Variants in SCRG1 observed in about 807,000 individuals in gnomAD.
SCRG1 encodes the protein stimulator of chondrogenesis 1, also known as scrapie-responsive protein 1.
SCRG1 carries 3 observed loss-of-function variants against 7.7 expected under a neutral mutation model. The observed-to-expected ratio is 0.39, with a 90% confidence interval of 0.18 to 1.01. The LOEUF is 1.01. Among genes scored for constraint, SCRG1 ranks in the 50% least tolerant of loss-of-function variants. The pLI, the probability that SCRG1 is intolerant of heterozygous loss-of-function variation, is 0.36. For synonymous variants in SCRG1, 46 were observed against 41.2 expected (o/e 1.12, Z -0.44); for missense variants, 110 against 117.2 (o/e 0.94, Z 0.28).
chr4:173,485,279 G>T, the SCRG1 span, among the ~76,000 whole-genome samples: 32 of 48,554 alleles, frequency 6.6e-4, 1 homozygote, highest in South Asian at 0.012. Context: ...CTCAGCCTTG[G>T]TCTCAAGAAG....
chr4:173,418,587 C>A, the SCRG1 span, among the ~76,000 whole-genome samples: 1 of 152,188 alleles, frequency 6.6e-6, no homozygotes, highest in Non-Finnish European at 1.5e-5. Flanking sequence ...TGGTTGACTC[C>A]AAAACCATTT....
chr4:173,480,672 A>G, the SCRG1 span, among the ~76,000 whole-genome samples: 3 of 152,200 alleles, frequency 2.0e-5, no homozygotes, highest in African/African-American at 7.2e-5. Flanking sequence ...AATCATTTGA[A>G]TATGGACTGC....
intron 1 of SCRG1, among the ~76,000 whole-genome samples, chr4:173,397,848 A>T (rs1364601597): frequency 6.6e-6 from 1 of 152,230 alleles, no homozygotes. Context: ...AACAGAGTTG[A>T]TGAATTAGAC....
chr4:173,467,330 A>T, the SCRG1 span, among the ~76,000 whole-genome samples: 76 of 152,174 alleles, frequency 5.0e-4, no homozygotes, highest in African/African-American at 1.7e-3. Context: ...ACTATGTAAT[A>T]TGATGACTAG....
chr4:173,435,312 T>C, the SCRG1 span, among the ~76,000 whole-genome samples: 56,347 of 151,864 alleles, frequency 0.37, 10,675 homozygotes, highest in South Asian at 0.54. Context: ...AGGAGACTGA[T>C]TTTTGAAGGG....
chr4:173,413,695 G>A, the SCRG1 span, among the ~76,000 whole-genome samples: 1 of 152,138 alleles, frequency 6.6e-6, no homozygotes, highest in Admixed American at 6.5e-5. Context: ...AAGAAAAAGG[G>A]GAATCATGTG....
At chr4:173,517,155 G>C in the SCRG1 span, among the ~76,000 whole-genome samples, 1 of 152,148 alleles carries the variant, frequency 6.6e-6, no homozygotes, top group East Asian at 1.9e-4. Context: ...CGGGAGGCTC[G>C]GGGCTCGGGC....
At chr4:173,510,423 CAT>C in the SCRG1 span, among the ~76,000 whole-genome samples, 48,403 of 148,776 alleles carry the variant, frequency 0.33, 7,865 homozygotes, top group Middle Eastern at 0.4. This position sits in a 1 kb window ranked among gnomAD's most constrained non-coding sequence, Gnocchi z 5.7. Flanking sequence ...AGGCCAAAAC[CAT>C]ATATATATAT....
the SCRG1 span, among the ~76,000 whole-genome samples, chr4:173,512,958 G>A: frequency 6.6e-6 from 1 of 152,134 alleles, no homozygotes; most frequent in African/African-American, 2.4e-5. Flanking sequence ...TTATTATACT[G>A]CAAAATTTGT....
chr4:173,397,882 T>C (rs1739649857), intron 1 of SCRG1, among the ~76,000 whole-genome samples: 2 of 152,166 alleles, frequency 1.3e-5, no homozygotes, highest in Admixed American at 6.5e-5. Context: ...CATTTTCGGA[T>C]TGCTTTCAAA....
the SCRG1 span, among the ~76,000 whole-genome samples, chr4:173,428,926 AT>A: frequency 2.0e-5 from 3 of 152,160 alleles, no homozygotes; most frequent in South Asian, 2.1e-4. Flanking sequence ...ATCACTCTTA[AT>A]TTTTTTCTAA....
At chr4:173,444,591 G>A in the SCRG1 span, among the ~76,000 whole-genome samples, 1 of 152,206 alleles carries the variant, frequency 6.6e-6, no homozygotes, top group African/African-American at 2.4e-5. Flanking sequence ...TCTGGTTTCT[G>A]ATTTCTGCTG....
chr4:173,433,088 T>C, the SCRG1 span, among the ~76,000 whole-genome samples: 1 of 152,248 alleles, frequency 6.6e-6, no homozygotes, highest in Non-Finnish European at 1.5e-5. Flanking sequence ...ATTTCACCTA[T>C]ATACATATTC....
In SCRG1 at chr4:173,386,301, A is replaced by AT. The variant is rs11302799; in HGVS notation, c.*2039dup. 2,343 of 116,994 alleles carry AT rather than the reference A, an allele frequency of 0.02. 21 individuals carry two copies. The highest frequency in any genetic ancestry group is 0.026 in the Middle Eastern group (6 of 234). The allele number at this position is 116,994 out of a possible 1,614,324, so 7.2% of individuals were successfully genotyped here. The stretch of plus-strand genomic sequence containing the variant: ...AGGCGCCTGCCACCACGCCCAGCTA[A>AT]TTTTTTTTTTTTTTTTTTTTGTATT... On this transcript the variant is annotated 3_prime_UTR_variant, in exon 3 of 3. Coordinates refer to ENST00000296506, the MANE Select transcript of SCRG1 (RefSeq NM_007281.4).
chr4:173,494,782 G>A, the SCRG1 span, among the ~76,000 whole-genome samples: 1 of 152,220 alleles, frequency 6.6e-6, no homozygotes, highest in Non-Finnish European at 1.5e-5. Context: ...TCTTGGTACT[G>A]GTGTTAGACT....
chr4:173,432,686 GAAACTAGTCATAGTCCTA>G, the SCRG1 span, among the ~76,000 whole-genome samples: 1 of 152,160 alleles, frequency 6.6e-6, no homozygotes, highest in African/African-American at 2.4e-5. Context: ...GGAGGGAGTG[GAAACTAGTCATAGTCCTA>G]AAATGTATAG....
chr4:173,509,646 ACCCGCTCCTGGGCCGCGCGGCTG>A, the SCRG1 span, among the ~76,000 whole-genome samples: 1 of 151,430 alleles, frequency 6.6e-6, no homozygotes, highest in East Asian at 2.0e-4. The surrounding 1 kb of genome is among the most constrained non-coding windows in gnomAD (Gnocchi z 5.7). Context: ...GTCGGCCGGA[ACCCGCTCCTGGGCCGCGCGGCTG>A]CAGCCGGGAG....
At chr4:173,429,847 A>G in the SCRG1 span, among the ~76,000 whole-genome samples, 107 of 152,350 alleles carry the variant, frequency 7.0e-4, no homozygotes, top group African/African-American at 2.5e-3. Context: ...AAAGTATAAC[A>G]TTAGCCTTGA....
the SCRG1 span, among the ~76,000 whole-genome samples, chr4:173,505,430 A>G: frequency 6.6e-6 from 1 of 152,138 alleles, no homozygotes. The surrounding 1 kb of genome is among the most constrained non-coding windows in gnomAD (Gnocchi z 4.4). Flanking sequence ...ATTCTTGTAC[A>G]TCAGTACAAG....
Sources: allele counts gnomAD v4.1 joint callset (sites outside exome capture counted in the v4.1 genomes callset), GRCh38; gene constraint gnomAD v4.1.1; non-coding constraint Gnocchi (gnomAD v3.1); transcripts MANE v1.5; gene names NCBI Gene and HGNC (gene_info 2026-07-23, HGNC 2026-07-21).